Variants in SPRED1 observed in about 807,000 individuals in gnomAD.
SPRED1 encodes the protein sprouty-related, EVH1 domain-containing protein 1.
In SPRED1, 18 loss-of-function variants were observed where a neutral mutation model predicts 52.3. The observed-to-expected ratio is 0.34, with a 90% CI of 0.24 to 0.51. The LOEUF (loss-of-function observed/expected upper bound fraction) is 0.51. SPRED1 is among the 20% of genes least tolerant of loss of function. The pLI is 0.97. For synonymous variants in SPRED1, 155 were observed against 179.7 expected, an observed-to-expected ratio of 0.86 and a Z score of 1.10; for missense variants, 485 against 551.0, an observed-to-expected ratio of 0.88 and a Z score of 1.20.
intron 2 of SPRED1, among the ~76,000 whole-genome samples, chr15:38,318,282 A>G (rs1378819588): frequency 6.6e-6 from 1 of 152,122 alleles, no homozygotes; most frequent in Non-Finnish European, 1.5e-5. Flanking sequence ...GATCTAGTTT[A>G]TAATTAGTAT....
At chr15:38,257,476 A>G (rs960738977) in intron 1 of SPRED1, among the ~76,000 whole-genome samples, 4 of 152,136 alleles carry the variant, frequency 2.6e-5, no homozygotes, top group Non-Finnish European at 5.9e-5. Context: ...TTTTTTTAAG[A>G]AAAGACAAAA....
chr15:38,314,573 C>T (rs1484437919), intron 2 of SPRED1, among the ~76,000 whole-genome samples: 2 of 151,796 alleles, frequency 1.3e-5, no homozygotes, highest in South Asian at 2.1e-4. Context: ...TGCACACATA[C>T]GTGTATACTT....
At chr15:38,269,304 G>T (rs1894379636) in intron 1 of SPRED1, among the ~76,000 whole-genome samples, 1 of 152,128 alleles carries the variant, frequency 6.6e-6, no homozygotes, top group Admixed American at 6.5e-5. Context: ...GAGTGCAGTG[G>T]CACAATCACA....
intron 1 of SPRED1, among the ~76,000 whole-genome samples, chr15:38,254,243 T>C (rs1595708843): frequency 6.6e-6 from 1 of 152,212 alleles, no homozygotes; most frequent in Non-Finnish European, 1.5e-5. Context: ...TTCCTTTAAA[T>C]ACAGTGCATT....
intron 6 of SPRED1, 70 bp from the exon 7 acceptor site, chr15:38,350,944 C>T (rs2141015908): frequency 1.4e-6 from 2 of 1,427,938 alleles, no homozygotes; most frequent in Non-Finnish European, 9.7e-7. Context: ...TGGACACTGG[C>T]CCCACCAAGG....
At chr15:38,350,945 C>A in intron 6 of SPRED1, 69 bp from the exon 7 acceptor site, 1 of 1,443,390 alleles carries the variant, frequency 6.9e-7, no homozygotes, top group Non-Finnish European at 9.5e-7. Flanking sequence ...GGACACTGGC[C>A]CCACCAAGGT....
In SPRED1 at chr15:38,270,138, C is replaced by T. The variant is rs114106593; in HGVS notation, c.32+16921C>T. On this transcript the variant is annotated intron_variant, in intron 1 of 6. Coordinates refer to ENST00000299084, the MANE Select transcript of SPRED1 (RefSeq NM_152594.3). ...GGCCACGCTGTCATGAACTCCCGAC[C>T]TCAGGTGATCTGCCTGCCTCGGCCT... is the stretch of plus-strand genomic sequence containing the variant. 8.6e-3 allele frequency among the ~76,000 whole-genome samples: 1,314 copies of T among 152,220 alleles called. 18 individuals are homozygous for T. Among genetic ancestry groups the T allele is most frequent in the African/African-American group, 0.03 (1,240 of 41,522 alleles).
rs1258904222 is a variant in SPRED1 at position 38,276,893 on chromosome 15, G to T, written c.33-22480G>T. 3.9e-5 allele frequency among the ~76,000 whole-genome samples: 6 copies of T among 152,210 alleles called. No homozygotes were observed. The East Asian group carries it at 1.2e-3, about 29-fold the overall frequency. On this transcript the variant is annotated intron_variant, in intron 1 of 6. Transcript: ENST00000299084. ...TACTAACTTATGGAACATTCTTCTG[G>T]TCTATAAAGTTGTGTTAGGTTAGTG...
At chr15:38,261,395 CT>C (rs578156546) in intron 1 of SPRED1, among the ~76,000 whole-genome samples, 17 of 152,238 alleles carry the variant, frequency 1.1e-4, no homozygotes, top group Non-Finnish European at 2.4e-4. Context: ...TGCCTTGTGT[CT>C]GAAATTTCTG....
chr15:38,302,696 G>T (rs1266094405), intron 2 of SPRED1, among the ~76,000 whole-genome samples: 2 of 152,204 alleles, frequency 1.3e-5, no homozygotes, highest in South Asian at 4.1e-4. Context: ...TGCCTGAGGA[G>T]AGAAGAGTTG....
intron 2 of SPRED1, among the ~76,000 whole-genome samples, chr15:38,321,669 C>T (rs1895603602): frequency 2.6e-5 from 4 of 152,200 alleles, no homozygotes; most frequent in Admixed American, 2.6e-4. Flanking sequence ...TCTCAACTCA[C>T]TGCAACCTCC....
chr15:38,289,533 A>T (rs8035319), intron 1 of SPRED1, among the ~76,000 whole-genome samples: 125,527 of 152,074 alleles, frequency 0.83, 52,567 homozygotes, highest in Non-Finnish European at 0.9. Flanking sequence ...ACTGTGATTA[A>T]GTTTGTGAGC....
At chr15:38,286,226 C>CA (rs368405955) in intron 1 of SPRED1, among the ~76,000 whole-genome samples, 9,513 of 89,564 alleles carry the variant, frequency 0.11, 747 homozygotes, top group African/African-American at 0.12. Context: ...ACTCCAGCCT[C>CA]AAAAAAAAAA....
chr15:38,263,557 A>G (rs1455722152), intron 1 of SPRED1, among the ~76,000 whole-genome samples: 2 of 152,228 alleles, frequency 1.3e-5, no homozygotes, highest in African/African-American at 4.8e-5. Flanking sequence ...CTGAGAGGAA[A>G]GTATTTTAGA....
At chr15:38,254,048 A>G (rs968662912) in intron 1 of SPRED1, among the ~76,000 whole-genome samples, 10 of 152,142 alleles carry the variant, frequency 6.6e-5, no homozygotes, top group African/African-American at 2.4e-4. Flanking sequence ...TTCGTCTTTT[A>G]AATGTTTTGC....
chr15:38,267,244 A>AC (rs55974635), intron 1 of SPRED1, among the ~76,000 whole-genome samples: 145,984 of 152,236 alleles, frequency 0.96, 70,265 homozygotes, highest in East Asian at 1. Flanking sequence ...TCATTTTAGT[A>AC]CTGTAATATT....
chr15:38,313,512 A>G (rs972208834), intron 2 of SPRED1, among the ~76,000 whole-genome samples: 1 of 151,950 alleles, frequency 6.6e-6, no homozygotes, highest in African/African-American at 2.4e-5. Flanking sequence ...AATCTTGTTG[A>G]AAAGACACAA....
intron 2 of SPRED1, among the ~76,000 whole-genome samples, chr15:38,321,665 C>T (rs1895603452): frequency 6.6e-6 from 1 of 152,198 alleles, no homozygotes; most frequent in South Asian, 2.1e-4. Context: ...GTGATCTCAA[C>T]TCACTGCAAC....
rs180701433 is a variant in SPRED1, at chr15:38,289,430, A to G, written c.33-9943A>G. Among the ~76,000 whole-genome samples, 144 of 144,894 alleles carry G rather than the reference A, an allele frequency of 9.9e-4. 1 individual carries two copies. In the East Asian group the frequency reaches 0.019, roughly 19 times the overall value. On this transcript the variant is annotated intron_variant, in intron 1 of 6. Coordinates refer to ENST00000299084, the MANE Select transcript of SPRED1 (RefSeq NM_152594.3). The stretch of plus-strand genomic sequence containing the variant: ...GTACCTTTTTTTTTTTTCCTGTTAT[A>G]TGCCATTTGTGGTAGACAGAATATG...
Sources: allele counts gnomAD v4.1 joint callset (sites outside exome capture counted in the v4.1 genomes callset), GRCh38; gene constraint gnomAD v4.1.1; transcripts MANE v1.5; gene names NCBI Gene and HGNC (gene_info 2026-07-23, HGNC 2026-07-21).